Variants in EYS observed in about 807,000 individuals in gnomAD.
The protein encoded by EYS is EGF-like photoreceptor maintenance factor, also known as protein eyes shut homolog.
In EYS, 250 loss-of-function variants were observed where a neutral mutation model predicts 282.1. The observed-to-expected ratio is 0.89, with a 90% CI of 0.80 to 0.98. The LOEUF (loss-of-function observed/expected upper bound fraction) is 0.98, where lower values mean the gene tolerates loss of function less well. Ranked by LOEUF, EYS falls within the 50% of genes least tolerant of loss-of-function variation. The probability of loss-of-function intolerance (pLI) is 0.00; values close to 1 mark genes in which losing one functional copy is unlikely to be tolerated. For synonymous variants in EYS, 1,355 were observed against 1,282.9 expected, an observed-to-expected ratio of 1.06 and a Z score of -1.20; for missense variants, 4,016 against 3,709.0, an observed-to-expected ratio of 1.08 and a Z score of -2.15.
At chr6:65,010,090 C>T (rs1480860222) in intron 13 of EYS, among the ~76,000 whole-genome samples, 1 of 152,164 alleles carries the variant, frequency 6.6e-6, no homozygotes, top group Non-Finnish European at 1.5e-5. Context: ...CAGTGTTAAG[C>T]TTGTCAATGG....
intron 2 of EYS, among the ~76,000 whole-genome samples, chr6:65,593,438 G>T (rs1441519562): frequency 1.3e-5 from 2 of 151,998 alleles, no homozygotes; most frequent in African/African-American, 4.8e-5. Context: ...ATGCCTTAGG[G>T]CATGGGCTTT....
At chr6:65,441,080 T>C (rs1768306382) in intron 5 of EYS, among the ~76,000 whole-genome samples, 1 of 150,744 alleles carries the variant, frequency 6.6e-6, no homozygotes, top group Non-Finnish European at 1.5e-5. Flanking sequence ...AACTCATTAA[T>C]GACTTGATTT....
At chr6:63,874,744 G>A (rs1772919516) in intron 35 of EYS, among the ~76,000 whole-genome samples, 1 of 152,166 alleles carries the variant, frequency 6.6e-6, no homozygotes, top group Non-Finnish European at 1.5e-5. Flanking sequence ...TTGTGAATGG[G>A]AGTTCACTCA....
intron 19 of EYS, among the ~76,000 whole-genome samples, chr6:64,830,375 G>A (rs1471168981): frequency 6.6e-6 from 1 of 151,936 alleles, no homozygotes; most frequent in Admixed American, 6.6e-5. Context: ...GGGGGAAGTA[G>A]GACACTGTTA....
chr6:63,752,917 T>C (rs941223763), intron 41 of EYS, among the ~76,000 whole-genome samples: 3 of 151,910 alleles, frequency 2.0e-5, no homozygotes, highest in Non-Finnish European at 4.4e-5. Flanking sequence ...TAGCAACCTG[T>C]TGTATGTTAT....
chr6:65,438,305 T>A (rs9453300), intron 5 of EYS, among the ~76,000 whole-genome samples: 8 of 151,810 alleles, frequency 5.3e-5, no homozygotes, highest in African/African-American at 1.9e-4. Context: ...TGAATAGTGC[T>A]GCAATAAACA....
At chr6:64,171,597 G>T (rs1282501394) in intron 31 of EYS, among the ~76,000 whole-genome samples, 1 of 148,188 alleles carries the variant, frequency 6.7e-6, no homozygotes, top group African/African-American at 2.5e-5. Context: ...AACCTTTGAA[G>T]ATATAATATT....
chr6:65,601,412 T>C (rs1765612427), intron 2 of EYS, among the ~76,000 whole-genome samples: 1 of 151,908 alleles, frequency 6.6e-6, no homozygotes, highest in Non-Finnish European at 1.5e-5. Flanking sequence ...TCCCCATGGC[T>C]ACAGTCAATT....
At chr6:64,311,581 G>A (rs1362347626) in intron 29 of EYS, among the ~76,000 whole-genome samples, 2 of 152,156 alleles carry the variant, frequency 1.3e-5, no homozygotes, top group African/African-American at 2.4e-5. Flanking sequence ...CGAGCTCGCT[G>A]GCAAGATGGC....
chr6:65,226,549 T>C (rs1766631026), intron 12 of EYS, among the ~76,000 whole-genome samples: 1 of 151,640 alleles, frequency 6.6e-6, no homozygotes, highest in Non-Finnish European at 1.5e-5. Context: ...AATACGGAAA[T>C]CCAAATCAAA....
intron 31 of EYS, among the ~76,000 whole-genome samples, chr6:64,177,166 A>G (rs904929433): frequency 6.6e-5 from 10 of 151,732 alleles, no homozygotes; most frequent in African/African-American, 2.4e-4. Flanking sequence ...AAGTTACTCT[A>G]TAACAACTAT....
At chr6:65,698,777 T>G (rs759385698) in intron 1 of EYS, among the ~76,000 whole-genome samples, 1 of 152,208 alleles carries the variant, frequency 6.6e-6, no homozygotes, top group Non-Finnish European at 1.5e-5. Flanking sequence ...TTCTACAACT[T>G]TGCATCAGCA....
At position 65,263,844 on chromosome 6, in the gene EYS, G is replaced by T. The variant is rs1348204651; in HGVS notation, c.2023+32019C>A. On this transcript the variant is annotated intron_variant, in intron 12 of 42. Coordinates refer to ENST00000503581, the MANE Select transcript of EYS (RefSeq NM_001142800.2). The stretch of plus-strand genomic sequence containing the variant: ...TGAGCCCAGGAGTTCAAAACTTTAA[G>T]GTGCTATAATTGCACCTGGAAATAG... Among the ~76,000 whole-genome samples the T allele has an allele frequency of 2.0e-5, 3 of 151,630 alleles. No individual in the cohort carries two copies. The Admixed American group carries it at 2.0e-4, about 10-fold the overall frequency.
chr6:64,356,198 T>C (rs1013334987), intron 29 of EYS, among the ~76,000 whole-genome samples: 1 of 151,556 alleles, frequency 6.6e-6, no homozygotes, highest in African/African-American at 2.4e-5. Flanking sequence ...GTTTTTATAT[T>C]TTTTTAAAAT....
intron 19 of EYS, among the ~76,000 whole-genome samples, chr6:64,856,232 T>C (rs1028838751): frequency 2.0e-5 from 3 of 152,102 alleles, no homozygotes; most frequent in African/African-American, 7.2e-5. Flanking sequence ...CCACCAGAAA[T>C]AAATGAGAGT....
chr6:64,372,130 GTTTTTTTTTTTTTTTT>G (rs201498090), intron 29 of EYS, among the ~76,000 whole-genome samples: 8 of 97,706 alleles, frequency 8.2e-5, no homozygotes, highest in Non-Finnish European at 9.6e-5. Flanking sequence ...GTATACTTGT[GTTTTTTTTTTTTTTTT>G]TTTTTTTTTT....
At chr6:65,515,842 A>G (rs950651324) in intron 2 of EYS, among the ~76,000 whole-genome samples, 2 of 150,166 alleles carry the variant, frequency 1.3e-5, no homozygotes, top group Middle Eastern at 3.4e-3. Context: ...CCTAATGCTA[A>G]ATGACGAGTT....
Position 64,803,593 on chromosome 6 carries a change from A to C in EYS, c.3443+9785T>G, listed in dbSNP as rs74883088. 2.2e-4 allele frequency among the ~76,000 whole-genome samples: 33 copies of C among 152,256 alleles called. No individual in the cohort carries two copies. In the East Asian group the frequency reaches 6.4e-3, roughly 30 times the overall value. ...CCCAGGAGCCTGTCTGCCTCCCACC[A>C]TCATCAATCATGTTGTCCAAGGCGC... On this transcript the variant is annotated intron_variant, in intron 22 of 42. Transcript: ENST00000503581.
chr6:63,886,625 A>G (rs959921886), intron 35 of EYS, among the ~76,000 whole-genome samples: 8 of 152,078 alleles, frequency 5.3e-5, no homozygotes, highest in Middle Eastern at 3.4e-3. Context: ...TTCTGCTTTG[A>G]ATTTTTTTTA....
Sources: gnomAD v4.1 joint callset for allele counts (sites outside exome capture counted in the v4.1 genomes callset) on GRCh38, gnomAD v4.1.1 for gene constraint, MANE v1.5 for transcripts, NCBI Gene and HGNC (gene_info 2026-07-23, HGNC 2026-07-21) for gene names.